Variants in POF1B observed in about 807,000 individuals in gnomAD.
POF1B encodes POF1B actin binding protein.
A neutral mutation model predicts 55.3 loss-of-function variants in POF1B; 53 were observed. The observed-to-expected ratio is 0.96, with a 90% CI of 0.77 to 1.20. The LOEUF is 1.20. Ranked by LOEUF, POF1B falls within the 50% of genes most tolerant of loss-of-function variation. The probability of loss-of-function intolerance (pLI) is 0.00; values close to 1 mark genes in which losing one functional copy is unlikely to be tolerated. For missense variants in POF1B, 478 were observed against 420.5 expected (o/e 1.14, Z -1.20); for synonymous variants, 188 against 148.3 (o/e 1.27, Z -1.95).
intron 6 of POF1B, among the ~76,000 whole-genome samples, chrX:85,343,560 A>C (rs1337313768): frequency 3.6e-5 from 4 of 111,262 alleles, no homozygotes; most frequent in Non-Finnish European, 5.7e-5. Flanking sequence ...TTTCATTTGC[A>C]AAGTTTTCTC....
intron 3 of POF1B, among the ~76,000 whole-genome samples, chrX:85,363,969 C>T (rs1415244158): frequency 1.8e-5 from 2 of 111,765 alleles, no homozygotes; most frequent in Non-Finnish European, 3.8e-5. Flanking sequence ...GTTAAGTCTT[C>T]CTGTTAAATT....
At chrX:85,349,414 G>A (rs987606729) in intron 5 of POF1B, among the ~76,000 whole-genome samples, 2 of 110,970 alleles carry the variant, frequency 1.8e-5, no homozygotes, top group Non-Finnish European at 1.9e-5. Flanking sequence ...ATTATGGGTC[G>A]AATTGTACCC....
chrX:85,305,747 G>GT, intron 13 of POF1B, 44 bp downstream of exon 13: 1 of 1,164,956 alleles, frequency 8.6e-7, no homozygotes, highest in Non-Finnish European at 1.1e-6. Context: ...TTGCTAGAAA[G>GT]TTTGTGCTGA....
In POF1B at chrX:85,306,059, C is replaced by A. The variant is rs775431213; in HGVS notation, c.1317+122G>T. On this transcript the variant is annotated intron_variant, in intron 12 of 16. Transcript: ENST00000262753. ...TTTTCAGGAACTGCATTATAAAGCT[C>A]AAATGTCAGTGATTAAGATCTAACA... 209 of 941,528 alleles carry A rather than the reference C, an allele frequency of 2.2e-4. 1 individual carries two copies. The highest frequency in any genetic ancestry group is 2.9e-4 in the Middle Eastern group (1 of 3,410). 77.6% of individuals were successfully genotyped at this position (941,528 alleles called of 1,213,427 possible). A position where few individuals can be genotyped will look rare whatever the true frequency, so the allele number is the denominator to read the frequency against.
chrX:85,367,764 T>A lies in POF1B; in HGVS notation c.285A>T (p.Glu95Asp). The part of the protein sequence containing the change: ...QNLVWSDHSQ[E>D]LHSPTLKIST... Reference sequence around the variant, plus strand: ...ATATTTTTAAAGTTGGAGAATGGAGTTCCTGTTAAGAGAAACAAAAGGGAG... The same window carrying A: ...ATATTTTTAAAGTTGGAGAATGGAGATCCTGTTAAGAGAAACAAAAGGGAG... The change falls in exon 3 of 17, where the codon GAA becomes GAT. Residue 95 changes from glutamate (E) to aspartate (D), a missense_variant and splice_region_variant. By Grantham distance (45) the Glu-to-Asp change is conservative (BLOSUM62 2). Transcript: ENST00000262753. The A allele has an allele frequency of 1.8e-6, 2 of 1,133,467 alleles. No homozygotes were observed. Among genetic ancestry groups the A allele is most frequent in the East Asian group, 3.2e-5 (1 of 31,274 alleles). The allele number at this position is 1,133,467 out of a possible 1,213,427, so 93.4% of individuals were successfully genotyped here. A position where few individuals can be genotyped will look rare whatever the true frequency, so the allele number is the denominator to read the frequency against.
intron 13 of POF1B, among the ~76,000 whole-genome samples, chrX:85,304,937 A>G (rs1055521957): frequency 9.0e-6 from 1 of 111,458 alleles, no homozygotes; most frequent in Admixed American, 9.6e-5. Context: ...CAGAGAGGTT[A>G]AATGACACAG....
At chrX:85,320,969 G>C (rs1334523695) in intron 7 of POF1B, among the ~76,000 whole-genome samples, 1 of 107,387 alleles carries the variant, frequency 9.3e-6, no homozygotes, top group Admixed American at 9.8e-5. Context: ...CAACCAAAAA[G>C]AGTCCAGGAC....
intron 15 of POF1B, among the ~76,000 whole-genome samples, chrX:85,293,703 G>T (rs1932243686): frequency 8.9e-6 from 1 of 112,163 alleles, no homozygotes; most frequent in Non-Finnish European, 1.9e-5. Context: ...GCCGGGCATG[G>T]TGGCTCATGT....
Position 85,304,789 on chromosome X carries a change from C to A in POF1B, c.1438-318G>T, listed in dbSNP as rs770559474. Among the ~76,000 whole-genome samples the A allele has an allele frequency of 2.7e-5, 3 of 111,167 alleles. No individual in the cohort carries two copies. The South Asian group carries it at 1.1e-3, about 41-fold the overall frequency. On this transcript the variant is annotated intron_variant, in intron 13 of 16. Coordinates refer to ENST00000262753, the MANE Select transcript of POF1B (RefSeq NM_024921.4). The stretch of plus-strand genomic sequence containing the variant: ...CTTGAAATAATAATTAAGGAAATAG[C>A]AATAACAAATTACTACTATTATATT...
chrX:85,303,966 A>G (rs1474046931), intron 14 of POF1B, among the ~76,000 whole-genome samples: 1 of 111,176 alleles, frequency 9.0e-6, no homozygotes, highest in Non-Finnish European at 1.9e-5. Context: ...TTCAGTACCT[A>G]TTGAATGCCA....
intron 7 of POF1B, among the ~76,000 whole-genome samples, chrX:85,329,836 G>A (rs900717653): frequency 8.3e-5 from 9 of 108,568 alleles, no homozygotes; most frequent in Non-Finnish European, 1.3e-4. Flanking sequence ...ATATACAAGA[G>A]ATTAAGAGAG....
rs201712654 is a variant in POF1B at position 85,351,451 on chromosome X, C to A, written c.439G>T (p.Glu147Ter). 15 of 1,149,004 alleles carry A rather than the reference C, an allele frequency of 1.3e-5. No homozygotes were observed. In the Admixed American group the frequency reaches 2.9e-4, roughly 22 times the overall value. The allele number at this position is 1,149,004 out of a possible 1,213,427, so 94.7% of individuals were successfully genotyped here. ...CCTCTTAGGAATTGAGACAGTGGTT[C>A]CTAAAATGATAGTAAATTATATGTT... The part of the protein sequence containing the change: ...RKYVVQNPEQ[E>*]PLSQFLRGSH... Residue 147 changes from glutamate (E) to a stop codon, truncating the protein, a stop_gained and splice_region_variant, in exon 5 of 17, where the codon GAA becomes TAA. Coordinates refer to ENST00000262753, the MANE Select transcript of POF1B (RefSeq NM_024921.4). LOFTEE classifies it high-confidence loss of function.
At chrX:85,293,980 A>AAT (rs1555978801) in intron 15 of POF1B, among the ~76,000 whole-genome samples, 3 of 110,299 alleles carry the variant, frequency 2.7e-5, no homozygotes, top group African/African-American at 3.3e-5. Context: ...TCAAAAAAAA[A>AAT]AAATAAATAA....
intron 16 of POF1B, among the ~76,000 whole-genome samples, chrX:85,280,492 C>T (rs887898532): frequency 1.8e-5 from 2 of 111,024 alleles, no homozygotes; most frequent in Non-Finnish European, 3.8e-5. Flanking sequence ...AACCATCTCC[C>T]AGATAAAGAA....
chrX:85,349,339 G>A (rs376155532), intron 5 of POF1B, among the ~76,000 whole-genome samples: 21 of 111,016 alleles, frequency 1.9e-4, no homozygotes, highest in South Asian at 3.7e-4. Context: ...TTTTTAGTCC[G>A]TTTGATTTGC....
chrX:85,314,308 A>C, intron 9 of POF1B, 124 bp downstream of exon 9: 1 of 509,951 alleles, frequency 2.0e-6, no homozygotes, highest in Non-Finnish European at 3.0e-6. Flanking sequence ...GTCTAACCAA[A>C]GAATCCTCAA....
intron 11 of POF1B, 69 bp from the exon 12 acceptor site, chrX:85,306,402 GATTC>G: frequency 9.8e-7 from 1 of 1,024,418 alleles, no homozygotes; most frequent in Non-Finnish European, 1.3e-6. Flanking sequence ...TCTTTTTATT[GATTC>G]ATTCAATTGA....
At position 85,367,778 on chromosome X, in the gene POF1B, A is replaced by C. The variant is rs1933753067; in HGVS notation, c.283-12T>G. 9.5e-7 allele frequency: 1 copy of C among 1,056,395 alleles called. No individual in the cohort carries two copies. Among genetic ancestry groups the C allele is most frequent in the Non-Finnish European group, 1.3e-6 (1 of 779,499 alleles). The allele number at this position is 1,056,395 out of a possible 1,213,427, so 87.1% of individuals were successfully genotyped here. A position where few individuals can be genotyped will look rare whatever the true frequency, so the allele number is the denominator to read the frequency against. ...GGAGAATGGAGTTCCTGTTAAGAGAAACAAAAGGGAGTTCAGAAATTATTT... is the reference window on the plus strand; with the variant it reads ...GGAGAATGGAGTTCCTGTTAAGAGACACAAAAGGGAGTTCAGAAATTATTT... On this transcript the variant is annotated splice_polypyrimidine_tract_variant and intron_variant, in intron 2 of 16. Coordinates refer to ENST00000262753, the MANE Select transcript of POF1B (RefSeq NM_024921.4).
Position 85,304,445 on chromosome X carries a change from A to C in POF1B, c.1464T>G (p.Asp488Glu). ...TACAACTTCCTTCTCTCTTTGAAACATCTTTATGGTACTGGTTTAATTGGG... is the reference window on the plus strand; with the variant it reads ...TACAACTTCCTTCTCTCTTTGAAACCTCTTTATGGTACTGGTTTAATTGGG... ...LRSQLNQYHK[D>E]VSKREGSCSD... Residue 488 changes from aspartate (D) to glutamate (E), a missense_variant, in exon 14 of 17, where the codon GAT (aspartate) becomes GAG (glutamate). Transcript: ENST00000262753. The C allele has an allele frequency of 8.5e-7, 1 of 1,171,705 alleles. No homozygotes were observed. The highest frequency in any genetic ancestry group is 1.1e-6 in the Non-Finnish European group (1 of 870,648).
Sources: gnomAD v4.1 joint callset for allele counts (sites outside exome capture counted in the v4.1 genomes callset) on GRCh38, gnomAD v4.1.1 for gene constraint, MANE v1.5 for transcripts, NCBI Gene and HGNC (gene_info 2026-07-23, HGNC 2026-07-21) for gene names.